Variants in NOD1 observed in about 807,000 individuals in gnomAD.
The protein encoded by NOD1 is nucleotide-binding oligomerization domain-containing protein 1.
NOD1 carries 70 observed loss-of-function variants against 81.2 expected under a neutral mutation model. That is an observed-to-expected ratio of 0.86 (90% CI 0.71 to 1.05). NOD1 has a LOEUF of 1.05. Among genes scored for constraint, NOD1 ranks in the 50% least tolerant of loss-of-function variants. NOD1 has a pLI of 0.00. For synonymous variants in NOD1, 508 were observed against 526.9 expected, an observed-to-expected ratio of 0.96 and a Z score of 0.49; for missense variants, 1,233 against 1,228.0, an observed-to-expected ratio of 1.00 and a Z score of -0.06.
intron 1 of NOD1, 177 bp from the exon 2 acceptor site, chr7:30,460,218 A>C: frequency 1.0e-6 from 1 of 984,554 alleles, no homozygotes; most frequent in Non-Finnish European, 1.2e-6. Flanking sequence ...CTTGGTAAAC[A>C]GAATCTAAGG....
In NOD1 at chr7:30,452,823, G is replaced by A. The variant is rs1240188816; in HGVS notation, c.594C>T (p.Ile198=). ...TGILNEQGET[I]FILGDAGVGK... ...CCACCCCAGCATCACCCAGGATGAA[G>A]ATGGTCTCACCCTGCTCATTGAGGA... The change falls in exon 6 of 14, where the codon ATC becomes ATT. Residue 198 remains isoleucine, a synonymous_variant. Coordinates refer to ENST00000222823, the MANE Select transcript of NOD1 (RefSeq NM_006092.4). 6.2e-7 allele frequency: 1 copy of A among 1,614,094 alleles called. No individual in the cohort carries two copies. The highest frequency in any genetic ancestry group is 8.5e-7 in the Non-Finnish European group (1 of 1,179,964).
Position 30,447,041 on chromosome 7 carries a change from G to C in NOD1, c.2295C>G (p.Asn765Lys), listed in dbSNP as rs779574950. 1 of 1,613,938 alleles carries C rather than the reference G, an allele frequency of 6.2e-7. No homozygotes were observed. The highest frequency in any genetic ancestry group is 1.3e-5 in the African/African-American group (1 of 74,944). The change falls in exon 8 of 14, where the codon AAC becomes AAG. Residue 765 changes from asparagine (N) to lysine (K), a missense_variant. Asn to Lys is a moderately conservative substitution (Grantham distance 94). Coordinates refer to ENST00000222823, the MANE Select transcript of NOD1 (RefSeq NM_006092.4). ...YKIVTYLGLY[N>K]NQITDVGARY... ...TGGCTCCGACATCGGTGATCTGGTT[G>C]TTGTATAAACTTCAAGAGAAAGCAC...
rs1318761778 is a variant in NOD1, at chr7:30,452,683, C to G, written c.734G>C (p.Ser245Thr). 6.2e-7 allele frequency: 1 copy of G among 1,613,924 alleles called. No individual in the cohort carries two copies. Among genetic ancestry groups the G allele is most frequent in the East Asian group, 2.2e-5 (1 of 44,890 alleles). Residue 245 changes from serine to threonine, a missense_variant, in exon 6 of 14, where the codon AGT becomes ACT. Ser to Thr is a moderately conservative substitution (Grantham distance 58). Coordinates refer to ENST00000222823, the MANE Select transcript of NOD1 (RefSeq NM_006092.4). ...RCRMFSCFKESDRLCLQDLLF... is the reference protein window; with the variant it reads ...RCRMFSCFKETDRLCLQDLLF... ...CAGGTCCTGCAGACACAGCCTGTCACTTTCCTTGAAGCAGCTGAACATGCG... is the reference window on the plus strand; with the variant it reads ...CAGGTCCTGCAGACACAGCCTGTCAGTTTCCTTGAAGCAGCTGAACATGCG...
intron 3 of NOD1, 116 bp from the exon 4 acceptor site, chr7:30,457,158 T>C: frequency 1.9e-6 from 1 of 522,470 alleles, no homozygotes; most frequent in Non-Finnish European, 3.5e-6. Context: ...GCTTAAGACC[T>C]TTATCTGGCC....
chr7:30,433,632 GT>G, intron 11 of NOD1, among the ~76,000 whole-genome samples: 1 of 152,174 alleles, frequency 6.6e-6, no homozygotes, highest in Non-Finnish European at 1.5e-5. Context: ...TTTGCTCTCA[GT>G]TAACTTGTGA....
At chr7:30,471,075 G>T (rs1479666204) in intron 1 of NOD1, among the ~76,000 whole-genome samples, 2 of 148,540 alleles carry the variant, frequency 1.3e-5, no homozygotes, top group Admixed American at 1.3e-4. Context: ...ACACTCTGCT[G>T]ATCGCTGGCC....
chr7:30,452,904 A>G lies in NOD1; in HGVS notation c.513T>C (p.Asn171=), dbSNP rs756530096. Residue 171 remains asparagine, a synonymous_variant, in exon 6 of 14, where the codon AAT becomes AAC. Coordinates refer to ENST00000222823, the MANE Select transcript of NOD1 (RefSeq NM_006092.4). The part of the protein sequence containing the change: ...DTIMELVGFS[N]ESLGSLNSLA... ...GGCTGTTCAGGCTGCCCAGGCTCTC[A>G]TTGCTGAAGCCAACCAGCTCCATGA... is the stretch of plus-strand genomic sequence containing the variant. The G allele has an allele frequency of 1.3e-5, 21 of 1,613,886 alleles. No individual in the cohort carries two copies. Among genetic ancestry groups the G allele is most frequent in the South Asian group, 2.2e-5 (2 of 91,082 alleles).
chr7:30,429,608 C>T (rs1783769568), intron 12 of NOD1, 151 bp from the exon 13 acceptor site: 2 of 669,870 alleles, frequency 3.0e-6, no homozygotes, highest in South Asian at 3.4e-5. Flanking sequence ...CTAAAAGTGT[C>T]CAGGTAAGAT....
intron 4 of NOD1, among the ~76,000 whole-genome samples, chr7:30,456,201 TG>T (rs1273644641): frequency 6.6e-6 from 1 of 152,186 alleles, no homozygotes; most frequent in African/African-American, 2.4e-5. Context: ...AAGGAATTTG[TG>T]GTCTCCATTT....
chr7:30,438,637 G>C (rs1049413165), intron 9 of NOD1, among the ~76,000 whole-genome samples: 1 of 152,208 alleles, frequency 6.6e-6, no homozygotes, highest in Non-Finnish European at 1.5e-5. Context: ...GGTATGGCTT[G>C]CTGGAACCCA....
At chr7:30,450,458 C>G (rs1043571142) in intron 6 of NOD1, among the ~76,000 whole-genome samples, 5 of 152,174 alleles carry the variant, frequency 3.3e-5, no homozygotes, top group African/African-American at 1.2e-4. Flanking sequence ...AATTTAACCC[C>G]CTGTAGAGAT....
chr7:30,474,671 C>G (rs1329792893), intron 1 of NOD1, among the ~76,000 whole-genome samples: 1 of 152,250 alleles, frequency 6.6e-6, no homozygotes, highest in Admixed American at 6.5e-5. Context: ...TTGCTCACTG[C>G]TGCTCACCTT....
At chr7:30,458,334 G>A (rs1428747128) in intron 3 of NOD1, among the ~76,000 whole-genome samples, 2 of 152,076 alleles carry the variant, frequency 1.3e-5, no homozygotes, top group East Asian at 1.9e-4. Flanking sequence ...TTTGTCGTTT[G>A]TCTAGGCAGG....
At chr7:30,434,827 G>A (rs1170319696) in intron 11 of NOD1, among the ~76,000 whole-genome samples, 2 of 152,158 alleles carry the variant, frequency 1.3e-5, no homozygotes, top group Non-Finnish European at 2.9e-5. Context: ...TCATGAAGAG[G>A]ATATTGTCAT....
Position 30,452,622 on chromosome 7 carries a change from G to A in NOD1, c.795C>T (p.Pro265=), listed in dbSNP as rs374047329. 1.3e-5 allele frequency: 21 copies of A among 1,613,584 alleles called. No homozygotes were observed. The highest frequency in any genetic ancestry group is 8.9e-5 in the East Asian group (4 of 44,904). ...FKHYCYPERD[P]EEVFAFLLRF... is the part of the protein sequence containing the mutation. ...GCAGCAGGAAGGCAAACACCTCCTC[G>A]GGGTCCCGCTCTGGGTAGCAGTAGT... is the stretch of plus-strand genomic sequence containing the variant. Residue 265 remains proline, a synonymous_variant, in exon 6 of 14, where the codon CCC becomes CCT. Transcript: ENST00000222823.
chr7:30,457,488 A>C (rs1382067151), intron 3 of NOD1, among the ~76,000 whole-genome samples: 1 of 152,098 alleles, frequency 6.6e-6, no homozygotes, highest in Non-Finnish European at 1.5e-5. Flanking sequence ...AAAGAAAAAA[A>C]ATCATAATTT....
Position 30,453,363 on chromosome 7 carries a change from A to G in NOD1, c.377-323T>C, listed in dbSNP as rs1269469937. On this transcript the variant is annotated intron_variant, in intron 5 of 13. Coordinates refer to ENST00000222823, the MANE Select transcript of NOD1 (RefSeq NM_006092.4). ...ACAGTGTCATCACTGAACTGCAGCT[A>G]AACACTGAAGCCCCTCGCACTCGAG... 2.0e-5 allele frequency among the ~76,000 whole-genome samples: 3 copies of G among 152,126 alleles called. No individual in the cohort carries two copies. The East Asian group carries it at 5.8e-4, about 29-fold the overall frequency.
intron 1 of NOD1, among the ~76,000 whole-genome samples, chr7:30,463,270 A>G (rs57858917): frequency 0.012 from 1,764 of 152,238 alleles, 36 homozygotes; most frequent in African/African-American, 0.039. Flanking sequence ...CATGAAATTG[A>G]TTTTCTTTTA....
chr7:30,429,591 T>A, intron 12 of NOD1, 134 bp from the exon 13 acceptor site: 1 of 720,964 alleles, frequency 1.4e-6, no homozygotes. Flanking sequence ...TGTGACTTTG[T>A]ATCTGGCTAA....
Sources: allele counts gnomAD v4.1 joint callset (sites outside exome capture counted in the v4.1 genomes callset), GRCh38; gene constraint gnomAD v4.1.1; transcripts MANE v1.5; gene names NCBI Gene and HGNC (gene_info 2026-07-23, HGNC 2026-07-21).